The following AUTS2 variants were observed in gnomAD, a reference collection of about 807,000 sequenced individuals.
The protein encoded by AUTS2 is autism susceptibility gene 2 protein.
Under a neutral mutation model 112.4 loss-of-function variants are expected in AUTS2, and 17 were observed. The observed-to-expected ratio is 0.15, with a 90% CI of 0.10 to 0.23. The LOEUF (loss-of-function observed/expected upper bound fraction) is 0.23. Ranked by LOEUF, AUTS2 falls within the 10% of genes least tolerant of loss-of-function variation. The probability of loss-of-function intolerance (pLI) is 1.00; values close to 1 mark genes in which losing one functional copy is unlikely to be tolerated. For synonymous variants in AUTS2, 751 were observed against 702.7 expected, an observed-to-expected ratio of 1.07 and a Z score of -1.09; for missense variants, 1,510 against 1,701.6, an observed-to-expected ratio of 0.89 and a Z score of 1.98.
At chr7:70,684,534 TGTG>T (rs1371038252) in intron 5 of AUTS2, among the ~76,000 whole-genome samples, 1 of 149,398 alleles carries the variant, frequency 6.7e-6, no homozygotes, top group Non-Finnish European at 1.5e-5. Flanking sequence ...TGTGGCGTGA[TGTG>T]GTGTGGTGTG....
At chr7:70,104,256 T>C (rs1804653313) in intron 2 of AUTS2, among the ~76,000 whole-genome samples, 1 of 147,770 alleles carries the variant, frequency 6.8e-6, no homozygotes, top group Admixed American at 6.8e-5. Context: ...TTGTTTTTTC[T>C]TTTTTTTTTG....
chr7:69,781,974 GA>G (rs1789161429), intron 1 of AUTS2, among the ~76,000 whole-genome samples: 1 of 152,212 alleles, frequency 6.6e-6, no homozygotes, highest in Non-Finnish European at 1.5e-5. Flanking sequence ...AGGTGTTTCT[GA>G]ACCTTCAGAA....
intron 4 of AUTS2, among the ~76,000 whole-genome samples, chr7:70,144,529 A>G (rs1222455107): frequency 6.6e-6 from 1 of 152,116 alleles, no homozygotes; most frequent in Non-Finnish European, 1.5e-5. Flanking sequence ...CAGAGGCATA[A>G]TAGAGTCACA....
chr7:70,469,333 G>T (rs1355654687), intron 5 of AUTS2, among the ~76,000 whole-genome samples: 1 of 152,162 alleles, frequency 6.6e-6, no homozygotes, highest in African/African-American at 2.4e-5. Context: ...ATGATACAGT[G>T]ATCAGGGGCA....
At chr7:69,868,755 C>A (rs1474902925) in intron 1 of AUTS2, among the ~76,000 whole-genome samples, 1 of 152,174 alleles carries the variant, frequency 6.6e-6, no homozygotes, top group East Asian at 1.9e-4. Context: ...AAATGGCTTG[C>A]TTAAGATCAA....
chr7:69,765,403 A>G (rs1788375508), intron 1 of AUTS2, among the ~76,000 whole-genome samples: 1 of 152,202 alleles, frequency 6.6e-6, no homozygotes, highest in Non-Finnish European at 1.5e-5. Context: ...CTTTGAGGTC[A>G]GATGGGGGCA....
chr7:70,303,901 G>A (rs746062930), intron 4 of AUTS2, among the ~76,000 whole-genome samples: 6 of 152,104 alleles, frequency 3.9e-5, no homozygotes, highest in Non-Finnish European at 7.4e-5. Context: ...ATATAGGAAG[G>A]GGAAGCATCA....
chr7:70,538,522 T>C (rs1800416571), intron 5 of AUTS2, among the ~76,000 whole-genome samples: 1 of 152,138 alleles, frequency 6.6e-6, no homozygotes, highest in Middle Eastern at 3.4e-3. Context: ...AGAGCAAGAC[T>C]CCGTCTCAAA....
chr7:70,332,756 G>A (rs1300145340), intron 4 of AUTS2, among the ~76,000 whole-genome samples: 3 of 152,140 alleles, frequency 2.0e-5, no homozygotes, highest in Non-Finnish European at 2.9e-5. Flanking sequence ...AGACCTGCTA[G>A]CCATATGCAG....
intron 1 of AUTS2, among the ~76,000 whole-genome samples, chr7:69,604,527 GAT>G (rs1462362758): frequency 6.6e-6 from 1 of 152,230 alleles, no homozygotes; most frequent in African/African-American, 2.4e-5. Flanking sequence ...AGGCTAGTGA[GAT>G]AGGCTGAAGT....
intron 5 of AUTS2, among the ~76,000 whole-genome samples, chr7:70,525,010 T>G (rs147408779): frequency 5.9e-5 from 9 of 152,318 alleles, no homozygotes; most frequent in African/African-American, 2.2e-4. Flanking sequence ...TTCTTTTCCC[T>G]CTTGGTCGGT....
chr7:70,659,453 A>G (rs950550479), intron 5 of AUTS2, among the ~76,000 whole-genome samples: 6 of 152,136 alleles, frequency 3.9e-5, no homozygotes, highest in Admixed American at 3.9e-4. Context: ...GCCTCATCAT[A>G]CAGCTTGCCT....
At position 70,549,022 on chromosome 7, in the gene AUTS2, G is replaced by A. The variant is rs138290011; in HGVS notation, c.690+113241G>A. 7.8e-3 allele frequency among the ~76,000 whole-genome samples: 1,169 copies of A among 149,282 alleles called. 20 individuals carry two copies. Among genetic ancestry groups the A allele is most frequent in the African/African-American group, 0.028 (1,122 of 40,446 alleles). On this transcript the variant is annotated intron_variant, in intron 5 of 18. Transcript: ENST00000342771. ...GCAGAATTGCCTTTTTAACAATATTGAGTCTTCTCACCCTTGAAGACAGAA... is the reference window on the plus strand; with the variant it reads ...GCAGAATTGCCTTTTTAACAATATTAAGTCTTCTCACCCTTGAAGACAGAA...
intron 4 of AUTS2, among the ~76,000 whole-genome samples, chr7:70,399,991 A>G (rs1794257266): frequency 1.3e-5 from 2 of 152,212 alleles, no homozygotes; most frequent in African/African-American, 4.8e-5. Flanking sequence ...TTTCATTCCT[A>G]TAAACAGTAT....
intron 1 of AUTS2, among the ~76,000 whole-genome samples, chr7:69,885,346 C>T (rs994436615): frequency 3.3e-5 from 5 of 152,016 alleles, no homozygotes; most frequent in African/African-American, 7.3e-5. Context: ...TTAAATAAAT[C>T]GGTGAAGGTT....
chr7:70,366,074 T>C (rs1792555391), intron 4 of AUTS2, among the ~76,000 whole-genome samples: 1 of 152,200 alleles, frequency 6.6e-6, no homozygotes, highest in South Asian at 2.1e-4. Flanking sequence ...TTCAGTAAAA[T>C]GGTTTTCCAG....
intron 4 of AUTS2, among the ~76,000 whole-genome samples, chr7:70,384,506 G>A (rs1793520649): frequency 6.6e-6 from 1 of 152,294 alleles, no homozygotes; most frequent in Admixed American, 6.5e-5. Flanking sequence ...TGGGCCTACA[G>A]CAAAATACCA....
chr7:70,778,650 A>T (rs533766321), intron 14 of AUTS2, among the ~76,000 whole-genome samples: 17 of 152,118 alleles, frequency 1.1e-4, no homozygotes, highest in Non-Finnish European at 1.9e-4. Flanking sequence ...GGTCACTAAG[A>T]TATTTTGCTT....
At chr7:69,916,185 C>T (rs368964603) in intron 2 of AUTS2, among the ~76,000 whole-genome samples, 1 of 152,102 alleles carries the variant, frequency 6.6e-6, no homozygotes, top group East Asian at 1.9e-4. Context: ...TGTGGAAATC[C>T]TGTTTGTTAG....
Sources: gnomAD v4.1 joint callset for allele counts (sites outside exome capture counted in the v4.1 genomes callset) on GRCh38, gnomAD v4.1.1 for gene constraint, MANE v1.5 for transcripts, NCBI Gene and HGNC (gene_info 2026-07-23, HGNC 2026-07-21) for gene names.